The following PTPRD variants were observed in gnomAD, a reference collection of about 807,000 sequenced individuals.
PTPRD encodes the protein receptor-type tyrosine-protein phosphatase delta.
In PTPRD, 34 loss-of-function variants were observed where a neutral mutation model predicts 214.5. That is an observed-to-expected ratio of 0.16 (90% CI 0.12 to 0.21). The LOEUF (loss-of-function observed/expected upper bound fraction) is 0.21, where lower values mean the gene tolerates loss of function less well. PTPRD is among the 10% of genes least tolerant of loss of function. PTPRD has a pLI of 1.00. For synonymous variants in PTPRD, 1,128 were observed against 845.7 expected (o/e 1.33, Z -5.79); for missense variants, 2,545 against 2,398.7 (o/e 1.06, Z -1.27).
At chr9:8,710,839 C>G (rs1222481080) in intron 12 of PTPRD, among the ~76,000 whole-genome samples, 1 of 152,106 alleles carries the variant, frequency 6.6e-6, no homozygotes, top group East Asian at 1.9e-4. Flanking sequence ...TTAGTGTTCA[C>G]AGAATTATTC....
chr9:9,813,155 A>G (rs2047680182), intron 5 of PTPRD, among the ~76,000 whole-genome samples: 1 of 152,116 alleles, frequency 6.6e-6, no homozygotes, highest in African/African-American at 2.4e-5. Flanking sequence ...AAGAAGTCCT[A>G]AGAGGGAAGT....
chr9:9,340,397 C>T lies in PTPRD; in HGVS notation c.-203+57052G>A, dbSNP rs147899115. Among the ~76,000 whole-genome samples the T allele has an allele frequency of 4.2e-3, 642 of 152,224 alleles. 2 individuals are homozygous for T. The highest frequency in any genetic ancestry group is 0.014 in the African/African-American group (567 of 41,510). ...TATGTTATTTTGTGACTATTTAAAT[C>T]TCTTTTTAACCTTTTAATTATGCTT... is the stretch of plus-strand genomic sequence containing the variant. On this transcript the variant is annotated intron_variant, in intron 9 of 45. Transcript: ENST00000381196.
Position 9,219,171 on chromosome 9 carries a change from G to C in PTPRD, c.-202-35808C>G, listed in dbSNP as rs549983050. 1.1e-4 allele frequency among the ~76,000 whole-genome samples: 16 copies of C among 152,144 alleles called. No individual in the cohort carries two copies. The South Asian group carries it at 3.1e-3, about 30-fold the overall frequency. On this transcript the variant is annotated intron_variant, in intron 9 of 45. Transcript: ENST00000381196. ...ATTTAAATATTGGAAAAATAGAATT[G>C]TTAAAATTTTCTGGGCTGATATGAG...
intron 34 of PTPRD, among the ~76,000 whole-genome samples, chr9:8,447,912 G>A (rs952519743): frequency 3.9e-5 from 6 of 152,106 alleles, no homozygotes; most frequent in African/African-American, 1.4e-4. Flanking sequence ...TCTTTTACAG[G>A]GTGATGAGGT....
chr9:10,000,961 C>A (rs1185119706), intron 4 of PTPRD, among the ~76,000 whole-genome samples: 1 of 152,188 alleles, frequency 6.6e-6, no homozygotes, highest in Non-Finnish European at 1.5e-5. Flanking sequence ...GGGCCGTATG[C>A]AAATCAGACA....
intron 7 of PTPRD, among the ~76,000 whole-genome samples, chr9:9,686,284 TATGTATGA>T (rs933381670): frequency 5.6e-4 from 76 of 136,168 alleles, no homozygotes; most frequent in Admixed American, 2.5e-3. Context: ...ATTTGAGATG[TATGTATGA>T]ATTATTTTTT....
chr9:9,625,341 C>G (rs967718007), intron 7 of PTPRD, among the ~76,000 whole-genome samples: 3 of 152,132 alleles, frequency 2.0e-5, no homozygotes, highest in African/African-American at 7.2e-5. Flanking sequence ...ATGTGCTGCT[C>G]AAGTGTGAAT....
intron 2 of PTPRD, among the ~76,000 whole-genome samples, chr9:10,577,632 G>C (rs62539610): frequency 0.13 from 20,450 of 152,122 alleles, 1,614 homozygotes; most frequent in Non-Finnish European, 0.19. Flanking sequence ...ACTGTCTGTA[G>C]CAATTTGTTA....
At chr9:8,919,870 T>C (rs532940183) in intron 11 of PTPRD, among the ~76,000 whole-genome samples, 52 of 150,632 alleles carry the variant, frequency 3.5e-4, no homozygotes, top group Non-Finnish European at 6.6e-4. Flanking sequence ...TAGATGTACA[T>C]GCATGTATCA....
At chr9:9,032,136 C>T (rs2099607532) in intron 10 of PTPRD, among the ~76,000 whole-genome samples, 1 of 151,812 alleles carries the variant, frequency 6.6e-6, no homozygotes, top group African/African-American at 2.4e-5. Flanking sequence ...GCGTGAGGGT[C>T]TGTGGGTTGT....
intron 12 of PTPRD, among the ~76,000 whole-genome samples, chr9:8,673,230 A>T (rs1034634881): frequency 2.0e-5 from 3 of 152,144 alleles, no homozygotes; most frequent in Non-Finnish European, 4.4e-5. Flanking sequence ...ACATACGCAC[A>T]GCTAAAGGTT....
At chr9:8,603,882 G>A (rs2095035707) in intron 14 of PTPRD, among the ~76,000 whole-genome samples, 3 of 152,064 alleles carry the variant, frequency 2.0e-5, no homozygotes, top group Non-Finnish European at 4.4e-5. Flanking sequence ...TTAGAAGAAA[G>A]GCTACAATGA....
intron 9 of PTPRD, among the ~76,000 whole-genome samples, chr9:9,369,562 C>T (rs1248900480): frequency 6.6e-6 from 1 of 151,996 alleles, no homozygotes; most frequent in African/African-American, 2.4e-5. Flanking sequence ...CTGTAGGTTG[C>T]CTGTTCACTC....
intron 8 of PTPRD, among the ~76,000 whole-genome samples, chr9:9,518,199 T>TGACA (rs1235759555): frequency 6.6e-6 from 1 of 151,830 alleles, no homozygotes; most frequent in Non-Finnish European, 1.5e-5. Context: ...CAACTTTCTG[T>TGACA]GATGTTGAAT....
intron 5 of PTPRD, among the ~76,000 whole-genome samples, chr9:9,833,474 C>A (rs367597203): frequency 1.9e-4 from 29 of 150,242 alleles, no homozygotes; most frequent in South Asian, 4.2e-4. Context: ...ACCACAGGAC[C>A]GAGGCGAAAT....
intron 2 of PTPRD, among the ~76,000 whole-genome samples, chr9:10,478,111 G>A (rs1045365477): frequency 6.6e-6 from 1 of 151,712 alleles, no homozygotes; most frequent in Non-Finnish European, 1.5e-5. Context: ...AAACCTGCAC[G>A]TTTAGCACAT....
At chr9:8,696,348 C>G (rs947506454) in intron 12 of PTPRD, among the ~76,000 whole-genome samples, 2 of 152,104 alleles carry the variant, frequency 1.3e-5, no homozygotes, top group Admixed American at 6.6e-5. Context: ...TTGATTTATT[C>G]ACTTAACTAT....
chr9:9,401,903 A>G (rs191007957), intron 8 of PTPRD, among the ~76,000 whole-genome samples: 18 of 152,064 alleles, frequency 1.2e-4, no homozygotes, highest in African/African-American at 4.1e-4. Context: ...TTCCGCCATT[A>G]TTGTAAGTTT....
intron 4 of PTPRD, among the ~76,000 whole-genome samples, chr9:9,943,207 T>C (rs980224585): frequency 1.3e-5 from 2 of 152,188 alleles, no homozygotes; most frequent in African/African-American, 4.8e-5. Context: ...TTAGATATCC[T>C]AATAGGCAGG....
Sources: allele counts gnomAD v4.1 joint callset (sites outside exome capture counted in the v4.1 genomes callset), GRCh38; gene constraint gnomAD v4.1.1; transcripts MANE v1.5; gene names NCBI Gene and HGNC (gene_info 2026-07-23, HGNC 2026-07-21).